SLF1: variants seen among roughly 807,000 people sequenced by gnomAD.
SLF1 encodes the protein SMC5/6 complex localization factor 1.
A neutral mutation model predicts 123.0 loss-of-function variants in SLF1; 105 were observed. That is an observed-to-expected ratio of 0.85 (90% CI 0.73 to 1.00). The LOEUF (loss-of-function observed/expected upper bound fraction) is 1.00, where lower values mean the gene tolerates loss of function less well. SLF1 is among the 50% of genes least tolerant of loss of function. SLF1 has a pLI of 0.00. For missense variants in SLF1, 1,239 were observed against 1,223.0 expected (o/e 1.01, Z -0.20); for synonymous variants, 434 against 406.6 (o/e 1.07, Z -0.81).
intron 13 of SLF1, 60 bp from the exon 14 acceptor site, chr5:94,670,783 C>A: frequency 1.6e-6 from 2 of 1,263,616 alleles, no homozygotes; most frequent in South Asian, 3.1e-5. Flanking sequence ...GGAGAGATGT[C>A]AAGTAATTGT....
rs191473434 is a variant in SLF1 at position 94,649,756 on chromosome 5, A to G, written c.738+159A>G. Reference sequence around the variant, plus strand: ...CTTGAACATGTTAGGAAATTGTCCTATGTCTCTGGGAACTCTTGTTGAAGT... The same window carrying G: ...CTTGAACATGTTAGGAAATTGTCCTGTGTCTCTGGGAACTCTTGTTGAAGT... On this transcript the variant is annotated intron_variant, in intron 6 of 20. Coordinates refer to ENST00000265140, the MANE Select transcript of SLF1 (RefSeq NM_032290.4). Among the ~76,000 whole-genome samples, 55 of 152,326 alleles carry G rather than the reference A, an allele frequency of 3.6e-4. No homozygotes were observed. The Middle Eastern group carries it at 0.01, about 28-fold the overall frequency.
In SLF1 at chr5:94,686,609, C is replaced by A; in HGVS notation, c.2012C>A (p.Ser671Tyr). Reference protein sequence around the residue: ...SSQELEIFICSFSSSWLQMFV... With the variant: ...SSQELEIFICYFSSSWLQMFV... ...CAGGAATTAGAGATTTTCATTTGCT[C>A]CTTTTCCTCCTCCTGGCTTCAAATG... is the stretch of plus-strand genomic sequence containing the variant. The change falls in exon 16 of 21, where the codon TCC becomes TAC. Residue 671 changes from serine (S) to tyrosine (Y), a missense_variant. Ser to Tyr is a moderately radical substitution (Grantham distance 144). Transcript: ENST00000265140. 6.2e-7 allele frequency: 1 copy of A among 1,613,964 alleles called. No homozygotes were observed. The highest frequency in any genetic ancestry group is 8.5e-7 in the Non-Finnish European group (1 of 1,179,902).
intron 4 of SLF1, among the ~76,000 whole-genome samples, chr5:94,633,095 A>G (rs1410023505): frequency 6.6e-6 from 1 of 150,898 alleles, no homozygotes; most frequent in Non-Finnish European, 1.5e-5. Context: ...GGTTCAAACA[A>G]TTCTGCCTCA....
Position 94,696,097 on chromosome 5 carries a change from A to C in SLF1, c.*785A>C, listed in dbSNP as rs984921365. 1.3e-5 allele frequency: 2 copies of C among 151,810 alleles called. No homozygotes were observed. The highest frequency in any genetic ancestry group is 1.3e-4 in the Admixed American group (2 of 15,214). The allele number at this position is 151,810 out of a possible 1,614,324, so 9.4% of individuals were successfully genotyped here. ...ATTTGAGATTATTTAAGATCTTAAT[A>C]TATAGTATGAATTTACTGAGTAGTA... On this transcript the variant is annotated 3_prime_UTR_variant, in exon 21 of 21. Transcript: ENST00000265140.
At chr5:94,637,286 A>T (rs903224692) in intron 4 of SLF1, among the ~76,000 whole-genome samples, 5 of 152,150 alleles carry the variant, frequency 3.3e-5, no homozygotes, top group Admixed American at 2.0e-4. Context: ...GACTCCAAGC[A>T]GGTAGAGCTT....
intron 4 of SLF1, 82 bp downstream of exon 4, chr5:94,630,825 C>T: frequency 1.4e-6 from 2 of 1,430,568 alleles, no homozygotes; most frequent in East Asian, 5.0e-5. Context: ...TATTTTTTTG[C>T]AATTATTAGC....
Position 94,670,943 on chromosome 5 carries a change from A to C in SLF1, c.1762A>C (p.Lys588Gln). 1 of 1,550,014 alleles carries C rather than the reference A, an allele frequency of 6.5e-7. No homozygotes were observed. The highest frequency in any genetic ancestry group is 8.7e-7 in the Non-Finnish European group (1 of 1,145,756). The change falls in exon 14 of 21, where the codon AAA (lysine) becomes CAA (glutamine). Residue 588 changes from lysine to glutamine, a missense_variant. Transcript: ENST00000265140. ...SGSETSGLLTKPVNMLLEWTI... is the reference protein window; with the variant it reads ...SGSETSGLLTQPVNMLLEWTI... ...AAGTGAAACCTCTGGGCTTTTGACC[A>C]AACCAGTAAATATGCTTTTGGAATG...
At chr5:94,670,095 C>T in intron 12 of SLF1, 56 bp from the exon 13 acceptor site, 2 of 1,473,980 alleles carry the variant, frequency 1.4e-6, no homozygotes, top group East Asian at 2.7e-5. Flanking sequence ...ATTTTGTTCA[C>T]AAATGACTTA....
rs991129912 is a variant in SLF1 at position 94,661,670 on chromosome 5, A to G, written c.1156-628A>G. Reference sequence around the variant, plus strand: ...CTGCCTCAGCCTCCTGAGAGTAGCTAGGATTATAGGCGCCTGCCACCACGC... The same window carrying G: ...CTGCCTCAGCCTCCTGAGAGTAGCTGGGATTATAGGCGCCTGCCACCACGC... On this transcript the variant is annotated intron_variant, in intron 9 of 20. Coordinates refer to ENST00000265140, the MANE Select transcript of SLF1 (RefSeq NM_032290.4). Among the ~76,000 whole-genome samples the G allele has an allele frequency of 2.3e-4, 35 of 151,746 alleles. 1 individual carries two copies. Among genetic ancestry groups the G allele is most frequent in the African/African-American group, 8.2e-4 (34 of 41,396 alleles).
At chr5:94,637,764 T>G (rs1745981534) in intron 4 of SLF1, among the ~76,000 whole-genome samples, 1 of 152,120 alleles carries the variant, frequency 6.6e-6, no homozygotes, top group African/African-American at 2.4e-5. Context: ...GTGTTAAGGC[T>G]GTACTGAATG....
intron 4 of SLF1, among the ~76,000 whole-genome samples, chr5:94,631,284 T>C (rs1361827146): frequency 2.0e-5 from 3 of 152,134 alleles, no homozygotes; most frequent in Non-Finnish European, 4.4e-5. Context: ...ATCAATAACA[T>C]GCACACAAAT....
intron 4 of SLF1, among the ~76,000 whole-genome samples, chr5:94,639,037 C>CTTTTT (rs764031689): frequency 0.096 from 8,509 of 88,878 alleles, 866 homozygotes; most frequent in East Asian, 0.18. Context: ...CTTTTCTTCC[C>CTTTTT]TTTTTTTTTT....
intron 14 of SLF1, among the ~76,000 whole-genome samples, chr5:94,671,329 A>G (rs192428552): frequency 6.6e-6 from 1 of 151,880 alleles, no homozygotes; most frequent in Non-Finnish European, 1.5e-5. Context: ...TAAATGAGTC[A>G]ATCCATACAA....
chr5:94,671,141 A>G (rs1354728820), intron 14 of SLF1, 133 bp downstream of exon 14: 15 of 696,820 alleles, frequency 2.2e-5, no homozygotes, highest in Admixed American at 1.1e-4. Flanking sequence ...ATTGTTTTCT[A>G]TTTAGTTTAG....
At chr5:94,626,063 C>A (rs182275731) in intron 1 of SLF1, among the ~76,000 whole-genome samples, 1,774 of 151,720 alleles carry the variant, frequency 0.012, 42 homozygotes, top group African/African-American at 0.041. Context: ...ACCGTCCTGG[C>A]TAACACGGTG....
intron 14 of SLF1, among the ~76,000 whole-genome samples, chr5:94,674,883 A>T (rs1183434879): frequency 2.6e-5 from 4 of 152,232 alleles, no homozygotes; most frequent in Non-Finnish European, 5.9e-5. Context: ...ATTCTACAAT[A>T]TAGGTAGAAA....
intron 14 of SLF1, among the ~76,000 whole-genome samples, chr5:94,677,974 G>A (rs1392682084): frequency 6.6e-6 from 1 of 151,164 alleles, no homozygotes; most frequent in Non-Finnish European, 1.5e-5. Context: ...AGGCTGGAGT[G>A]CAGTGGCACA....
In SLF1 at chr5:94,693,289, T is replaced by C. The variant is rs531767527; in HGVS notation, c.2695+1033T>C. Among the ~76,000 whole-genome samples the C allele has an allele frequency of 2.0e-5, 3 of 152,158 alleles. No individual in the cohort carries two copies. The South Asian group carries it at 6.2e-4, about 31-fold the overall frequency. The stretch of plus-strand genomic sequence containing the variant: ...TTTCATAGTCAATGTTTTTCAGTTC[T>C]TCTACCTTGTTTTTTTTAGTATTCT... On this transcript the variant is annotated intron_variant, in intron 20 of 20. Coordinates refer to ENST00000265140, the MANE Select transcript of SLF1 (RefSeq NM_032290.4).
intron 15 of SLF1, among the ~76,000 whole-genome samples, chr5:94,680,622 A>ATC (rs1751656181): frequency 6.6e-6 from 1 of 152,210 alleles, no homozygotes. Flanking sequence ...GGATAGTTAG[A>ATC]TGTCTTGTTT....
Sources: allele counts gnomAD v4.1 joint callset (sites outside exome capture counted in the v4.1 genomes callset), GRCh38; gene constraint gnomAD v4.1.1; transcripts MANE v1.5; gene names NCBI Gene and HGNC (gene_info 2026-07-23, HGNC 2026-07-21).